The following ITGA11 variants were observed in gnomAD, a reference collection of about 807,000 sequenced individuals.
The protein encoded by ITGA11 is integrin subunit alpha 11.
A neutral mutation model predicts 141.9 loss-of-function variants in ITGA11; 97 were observed. The ratio of observed to expected loss-of-function variants is 0.68; its 90% confidence interval spans 0.58 to 0.81. The LOEUF (loss-of-function observed/expected upper bound fraction) is 0.81. Among genes scored for constraint, ITGA11 ranks in the 30% least tolerant of loss-of-function variants. The probability of loss-of-function intolerance (pLI) is 0.00; values close to 1 mark genes in which losing one functional copy is unlikely to be tolerated. For missense variants in ITGA11, 1,387 were observed against 1,559.2 expected (o/e 0.89, Z 1.86); for synonymous variants, 658 against 624.6 (o/e 1.05, Z -0.80).
rs1054021432 is a variant in ITGA11, at chr15:68,335,192, G to A, written c.1425+505C>T. 6.6e-6 allele frequency among the ~76,000 whole-genome samples: 1 copy of A among 152,060 alleles called. No homozygotes were observed. The highest frequency in any genetic ancestry group is 2.4e-5 in the African/African-American group (1 of 41,400). On this transcript the variant is annotated intron_variant, in intron 12 of 29. Transcript: ENST00000315757. The surrounding 1 kb of genome is among the most constrained non-coding windows in gnomAD (Gnocchi z 4.9). ...TTGGGGTTATTTGGGGTCAGGAGGTGGCATGATGCAGGCAGCCCCACCAAG... is the reference window on the plus strand; with the variant it reads ...TTGGGGTTATTTGGGGTCAGGAGGTAGCATGATGCAGGCAGCCCCACCAAG...
intron 1 of ITGA11, among the ~76,000 whole-genome samples, chr15:68,416,290 G>A (rs12902013): frequency 0.43 from 65,078 of 152,022 alleles, 14,862 homozygotes; most frequent in East Asian, 0.54. Flanking sequence ...AGCCTGTGGA[G>A]GAGTGAGGGT....
At chr15:68,316,132 C>A (rs1449660076) in intron 21 of ITGA11, among the ~76,000 whole-genome samples, 4 of 152,180 alleles carry the variant, frequency 2.6e-5, no homozygotes, top group Admixed American at 6.5e-5. Flanking sequence ...GATGTGGGGG[C>A]CAGAAACGTT....
chr15:68,356,912 T>C (rs1895087244), intron 7 of ITGA11, among the ~76,000 whole-genome samples: 1 of 151,948 alleles, frequency 6.6e-6, no homozygotes, highest in African/African-American at 2.4e-5. Flanking sequence ...CAACAACAAC[T>C]GACAGCCACG....
chr15:68,350,461 G>T (rs1396974796), intron 9 of ITGA11, among the ~76,000 whole-genome samples, 156 bp downstream of exon 9: 2 of 152,064 alleles, frequency 1.3e-5, no homozygotes, highest in Non-Finnish European at 2.9e-5. Flanking sequence ...AAGTGCTGGG[G>T]TTACAGGCGT....
At chr15:68,428,279 T>G (rs1043720388) in intron 1 of ITGA11, among the ~76,000 whole-genome samples, 7 of 152,106 alleles carry the variant, frequency 4.6e-5, no homozygotes, top group Non-Finnish European at 8.8e-5. Context: ...GGAGGGAGAA[T>G]GCAAGGGAAG....
intron 1 of ITGA11, among the ~76,000 whole-genome samples, chr15:68,421,171 G>GTGAA: frequency 3.3e-4 from 3 of 9,214 alleles, no homozygotes; most frequent in East Asian, 2.5e-3. Flanking sequence ...TGTTCTATCT[G>GTGAA]TGCTTGGAGG....
At chr15:68,407,700 G>T (rs117646545) in intron 1 of ITGA11, among the ~76,000 whole-genome samples, 1 of 152,136 alleles carries the variant, frequency 6.6e-6, no homozygotes, top group South Asian at 2.1e-4. Flanking sequence ...CCAAAGTTAC[G>T]TCAACTGTTG....
At chr15:68,380,549 G>A (rs1895835044) in intron 2 of ITGA11, among the ~76,000 whole-genome samples, 1 of 152,188 alleles carries the variant, frequency 6.6e-6, no homozygotes. Flanking sequence ...GGGGTCTCCA[G>A]GTGTGGCAGG....
chr15:68,420,698 A>G (rs1896998897), intron 1 of ITGA11, among the ~76,000 whole-genome samples: 1 of 152,186 alleles, frequency 6.6e-6, no homozygotes, highest in Admixed American at 6.5e-5. Flanking sequence ...TGATTGATTC[A>G]TTCTTGAACT....
intron 1 of ITGA11, among the ~76,000 whole-genome samples, chr15:68,405,764 C>T (rs1896638074): frequency 6.6e-6 from 1 of 152,074 alleles, no homozygotes; most frequent in Non-Finnish European, 1.5e-5. Context: ...CTGTGCAGAG[C>T]TCGGAGCTTG....
chr15:68,315,638 G>T lies in ITGA11; in HGVS notation c.2792+13C>A. 1 of 1,609,524 alleles carries T rather than the reference G, an allele frequency of 6.2e-7. No homozygotes were observed. The highest frequency in any genetic ancestry group is 8.5e-7 in the Non-Finnish European group (1 of 1,176,644). On this transcript the variant is annotated intron_variant, in intron 22 of 29. Transcript: ENST00000315757. ...AGCAAGCTTTGGGGAGAAGGAGCAG[G>T]CACGGCCCTGACCTGCCTGCAGCGA...
chr15:68,334,831 C>A (rs1036388160), intron 12 of ITGA11, among the ~76,000 whole-genome samples: 3 of 152,166 alleles, frequency 2.0e-5, no homozygotes, highest in African/African-American at 7.2e-5. Flanking sequence ...AAGGTCTAGC[C>A]CTCGATTCCC....
chr15:68,380,690 G>A (rs758625376), intron 2 of ITGA11, among the ~76,000 whole-genome samples: 3 of 152,172 alleles, frequency 2.0e-5, no homozygotes, highest in Non-Finnish European at 2.9e-5. Context: ...GGAGGGTCCC[G>A]CATGGTGCCG....
intron 1 of ITGA11, among the ~76,000 whole-genome samples, chr15:68,416,204 C>G (rs1031576362): frequency 6.6e-5 from 10 of 152,222 alleles, no homozygotes; most frequent in African/African-American, 1.4e-4. Flanking sequence ...CTCCCCTCAG[C>G]CATCAAAAGC....
chr15:68,345,641 G>C (rs149642142), intron 10 of ITGA11, among the ~76,000 whole-genome samples: 3 of 152,356 alleles, frequency 2.0e-5, no homozygotes, highest in African/African-American at 7.2e-5. Context: ...AGCCCCTCAG[G>C]CTCCTTCAGT....
At chr15:68,427,442 T>A (rs1454643473) in intron 1 of ITGA11, among the ~76,000 whole-genome samples, 1 of 152,148 alleles carries the variant, frequency 6.6e-6, no homozygotes, top group Non-Finnish European at 1.5e-5. Flanking sequence ...AGGATTTGCA[T>A]CCGGGCAGTC....
At chr15:68,343,522 G>T (rs1239801013) in intron 10 of ITGA11, among the ~76,000 whole-genome samples, 1 of 152,146 alleles carries the variant, frequency 6.6e-6, no homozygotes, top group African/African-American at 2.4e-5. Flanking sequence ...AGTAGTCACG[G>T]AATTAGGATA....
intron 2 of ITGA11, among the ~76,000 whole-genome samples, chr15:68,383,459 A>G (rs1403312561): frequency 6.6e-6 from 1 of 152,226 alleles, no homozygotes; most frequent in Non-Finnish European, 1.5e-5. Flanking sequence ...CTAATTGTAT[A>G]TAACCTTAAA....
chr15:68,351,465 C>G, intron 7 of ITGA11, 63 bp from the exon 8 acceptor site: 2 of 1,560,788 alleles, frequency 1.3e-6, no homozygotes, highest in East Asian at 2.2e-5. Flanking sequence ...GCCCCTGACG[C>G]TCCTGCAGAG....
Sources: gnomAD v4.1 joint callset for allele counts (sites outside exome capture counted in the v4.1 genomes callset) on GRCh38, gnomAD v4.1.1 for gene constraint, Gnocchi (gnomAD v3.1) non-coding constraint, MANE v1.5 for transcripts, NCBI Gene and HGNC (gene_info 2026-07-23, HGNC 2026-07-21) for gene names.